Variants in SGIP1 observed in about 807,000 individuals in gnomAD.
SGIP1 encodes SH3-containing GRB2-like protein 3-interacting protein 1.
A neutral mutation model predicts 107.5 loss-of-function variants in SGIP1; 38 were observed. That is an observed-to-expected ratio of 0.35 (90% CI 0.27 to 0.46). SGIP1 has a LOEUF of 0.46. Ranked by LOEUF, SGIP1 falls within the 20% of genes least tolerant of loss-of-function variation. The pLI is 1.00. For missense variants in SGIP1, 929 were observed against 1,019.5 expected (o/e 0.91, Z 1.21); for synonymous variants, 365 against 366.1 (o/e 1.00, Z 0.03).
intron 17 of SGIP1, chr1:66,694,630 A>C: frequency 3.2e-6 from 2 of 632,838 alleles, no homozygotes; most frequent in Non-Finnish European, 4.9e-6. Flanking sequence ...TCTCAGATGC[A>C]CCCTGTATAT....
chr1:66,700,931 ACG>A (rs2091813955), intron 18 of SGIP1, among the ~76,000 whole-genome samples: 2 of 152,152 alleles, frequency 1.3e-5, no homozygotes, highest in Admixed American at 1.3e-4. Flanking sequence ...GAGGAAAAAT[ACG>A]TTTCTGAAAG....
In SGIP1 at chr1:66,557,017, C is replaced by T. The variant is rs141334397; in HGVS notation, c.10+22649C>T. On this transcript the variant is annotated intron_variant, in intron 1 of 24. Transcript: ENST00000371037. The stretch of plus-strand genomic sequence containing the variant: ...TCAGATTTTTTGTATTTGTACAATG[C>T]GCTTTAGGATCACAACAAGGAGTAA... Among the ~76,000 whole-genome samples the T allele has an allele frequency of 2.5e-3, 382 of 152,086 alleles. 1 individual carries two copies. The highest frequency in any genetic ancestry group is 8.9e-3 in the African/African-American group (371 of 41,502).
At chr1:66,739,657 G>A (rs2094384434) in intron 22 of SGIP1, 120 bp downstream of exon 22, 1 of 970,532 alleles carries the variant, frequency 1.0e-6, no homozygotes, top group South Asian at 1.6e-5. Context: ...TAGGGTTCAG[G>A]GCAGGAAATA....
chr1:66,648,983 T>C (rs1167637874), intron 7 of SGIP1, among the ~76,000 whole-genome samples: 1 of 152,182 alleles, frequency 6.6e-6, no homozygotes, highest in Admixed American at 6.5e-5. Context: ...TGATGTGTAA[T>C]TGGTACTCTG....
At chr1:66,622,703 C>T (rs2071465922) in intron 1 of SGIP1, among the ~76,000 whole-genome samples, 1 of 152,128 alleles carries the variant, frequency 6.6e-6, no homozygotes, top group South Asian at 2.1e-4. Flanking sequence ...GTTCTCAATT[C>T]CATAGCTTGG....
chr1:66,568,665 C>G (rs2148562109), intron 1 of SGIP1, among the ~76,000 whole-genome samples: 1 of 151,478 alleles, frequency 6.6e-6, no homozygotes, highest in South Asian at 2.1e-4. Context: ...TTGAGATATC[C>G]ACCATGATCA....
intron 1 of SGIP1, among the ~76,000 whole-genome samples, chr1:66,567,113 G>A (rs113515296): frequency 0.017 from 2,650 of 151,784 alleles, 70 homozygotes; most frequent in African/African-American, 0.061. Flanking sequence ...GTCTATCATT[G>A]ATGAGCATTT....
At chr1:66,668,634 T>A (rs1315240367) in intron 9 of SGIP1, among the ~76,000 whole-genome samples, 1 of 152,174 alleles carries the variant, frequency 6.6e-6, no homozygotes, top group Non-Finnish European at 1.5e-5. Context: ...GCCAATCCAA[T>A]TAGTCAATTA....
intron 18 of SGIP1, among the ~76,000 whole-genome samples, chr1:66,715,043 T>A (rs1317560093): frequency 6.6e-6 from 1 of 152,170 alleles, no homozygotes; most frequent in Non-Finnish European, 1.5e-5. Context: ...GGTATTCTTG[T>A]CAATTAAACA....
intron 1 of SGIP1, among the ~76,000 whole-genome samples, chr1:66,585,977 T>C (rs2062553793): frequency 6.6e-6 from 1 of 152,210 alleles, no homozygotes; most frequent in Non-Finnish European, 1.5e-5. Flanking sequence ...ACTACAATTG[T>C]GGATTTGTCT....
chr1:66,657,084 G>A (rs2079949224), intron 7 of SGIP1, among the ~76,000 whole-genome samples: 3 of 152,148 alleles, frequency 2.0e-5, no homozygotes, highest in Non-Finnish European at 2.9e-5. Flanking sequence ...GCTGAGATGG[G>A]AGGATCACTT....
chr1:66,610,060 A>C (rs2067651219), intron 1 of SGIP1, among the ~76,000 whole-genome samples: 1 of 152,204 alleles, frequency 6.6e-6, no homozygotes, highest in Admixed American at 6.5e-5. Flanking sequence ...TTCAGCTAAA[A>C]AGTTATTAGC....
At position 66,633,016 on chromosome 1, in the gene SGIP1, A is replaced by T. The variant is rs144609142; in HGVS notation, c.75-54A>T. 33 of 1,146,662 alleles carry T rather than the reference A, an allele frequency of 2.9e-5. No homozygotes were observed. The East Asian group carries it at 7.3e-4, about 25-fold the overall frequency. The allele number at this position is 1,146,662 out of a possible 1,614,324, so 71.0% of individuals were successfully genotyped here. A position where few individuals can be genotyped will look rare whatever the true frequency, so the allele number is the denominator to read the frequency against. ...GGTTCTTACTGTTGTACTTTAGTCT[A>T]TGTGGCAAGAATGATTCCTTATCAT... is the stretch of plus-strand genomic sequence containing the variant. On this transcript the variant is annotated intron_variant, in intron 2 of 24. Coordinates refer to ENST00000371037, the MANE Select transcript of SGIP1 (RefSeq NM_032291.4).
At chr1:66,626,948 C>A (rs780232236) in intron 2 of SGIP1, among the ~76,000 whole-genome samples, 1 of 152,102 alleles carries the variant, frequency 6.6e-6, no homozygotes, top group Non-Finnish European at 1.5e-5. Flanking sequence ...TTTTATCATG[C>A]GTAAATTTTG....
intron 1 of SGIP1, among the ~76,000 whole-genome samples, chr1:66,585,937 A>G (rs561740814): frequency 8.9e-4 from 135 of 152,302 alleles, no homozygotes; most frequent in African/African-American, 2.8e-3. Flanking sequence ...TGATTTACCA[A>G]TTCTTGAGAA....
At position 66,679,243 on chromosome 1, in the gene SGIP1, C is replaced by A. The variant is rs1305100823; in HGVS notation, c.740-435C>A. Reference sequence around the variant, plus strand: ...AAAACCCCTCACAGGAGCCCCCACCCAACCTGTGATTTCCGTTATCAAACC... The same window carrying A: ...AAAACCCCTCACAGGAGCCCCCACCAAACCTGTGATTTCCGTTATCAAACC... On this transcript the variant is annotated intron_variant, in intron 13 of 24. Coordinates refer to ENST00000371037, the MANE Select transcript of SGIP1 (RefSeq NM_032291.4). Among the ~76,000 whole-genome samples, 7 of 152,172 alleles carry A rather than the reference C, an allele frequency of 4.6e-5. No homozygotes were observed. The East Asian group carries it at 1.4e-3, about 29-fold the overall frequency.
intron 14 of SGIP1, 97 bp downstream of exon 14, chr1:66,679,849 C>A: frequency 9.2e-7 from 1 of 1,092,302 alleles, no homozygotes; most frequent in Non-Finnish European, 1.3e-6. Flanking sequence ...GTAGGCTACA[C>A]AAAAACATCA....
chr1:66,669,936 A>C (rs111872867), intron 9 of SGIP1, among the ~76,000 whole-genome samples: 22 of 152,326 alleles, frequency 1.4e-4, no homozygotes, highest in African/African-American at 5.1e-4. Context: ...TGTTAATGTT[A>C]TACTTTGAGA....
chr1:66,538,369 A>G (rs1359300865), intron 1 of SGIP1, among the ~76,000 whole-genome samples: 2 of 152,176 alleles, frequency 1.3e-5, no homozygotes, highest in Non-Finnish European at 2.9e-5. Context: ...ATTCCAATAT[A>G]TGTTCCATCA....
Sources: gnomAD v4.1 joint callset for allele counts (sites outside exome capture counted in the v4.1 genomes callset) on GRCh38, gnomAD v4.1.1 for gene constraint, MANE v1.5 for transcripts, NCBI Gene and HGNC (gene_info 2026-07-23, HGNC 2026-07-21) for gene names.